SOX6: variants seen among roughly 807,000 people sequenced by gnomAD.
SOX6 encodes the protein SRY-box transcription factor 6.
Under a neutral mutation model 97.8 loss-of-function variants are expected in SOX6, and 11 were observed. That is an observed-to-expected ratio of 0.11 (90% CI 0.07 to 0.19). SOX6 has a LOEUF of 0.19. Among genes scored for constraint, SOX6 ranks in the 10% least tolerant of loss-of-function variants. The pLI, the probability that SOX6 is intolerant of heterozygous loss-of-function variation, is 1.00. For synonymous variants in SOX6, 360 were observed against 371.4 expected, an observed-to-expected ratio of 0.97 and a Z score of 0.35; for missense variants, 810 against 1,039.5, an observed-to-expected ratio of 0.78 and a Z score of 3.04.
At chr11:16,024,603 T>C (rs1163513387) in intron 12 of SOX6, among the ~76,000 whole-genome samples, 1 of 151,910 alleles carries the variant, frequency 6.6e-6, no homozygotes, top group Non-Finnish European at 1.5e-5. Flanking sequence ...AGATTTATAC[T>C]TGAGGCAAGA....
At chr11:16,584,766 C>T (rs756601890) in intron 4 of SOX6, among the ~76,000 whole-genome samples, 1 of 152,172 alleles carries the variant, frequency 6.6e-6, no homozygotes, top group African/African-American at 2.4e-5. Context: ...AACAGAGGGT[C>T]ACCAACTCAA....
intron 4 of SOX6, among the ~76,000 whole-genome samples, chr11:16,520,983 G>T (rs967901670): frequency 6.6e-6 from 1 of 152,188 alleles, no homozygotes; most frequent in Non-Finnish European, 1.5e-5. Context: ...CGGGAAGCTC[G>T]AACTGGGTGG....
In SOX6 at chr11:16,055,834, T is replaced by C; in HGVS notation, c.1169A>G (p.Gln390Arg). The C allele has an allele frequency of 6.2e-7, 1 of 1,613,856 alleles. No homozygotes were observed. The highest frequency in any genetic ancestry group is 1.1e-5 in the South Asian group (1 of 91,080). Residue 390 changes from glutamine to arginine, a missense_variant, in exon 10 of 16, where the codon CAG becomes CGG. Around this residue, in one of 9 missense-constraint regions of SOX6, gnomAD observed 244 missense variants for 261.0 expected, o/e 0.93. Transcript: ENST00000683767. Reference protein sequence around the residue: ...SPGAKMPSTPQPPNTAGTVSP... With the variant: ...SPGAKMPSTPRPPNTAGTVSP... ...GACCGTCCCTGCTGTGTTTGGTGGC[T>C]GTGGAGTTGATGGCATCTTTGCTCC... is the stretch of plus-strand genomic sequence containing the variant.
intron 6 of SOX6, among the ~76,000 whole-genome samples, chr11:16,148,427 G>A (rs1850371574): frequency 6.6e-6 from 1 of 152,120 alleles, no homozygotes; most frequent in South Asian, 2.1e-4. Context: ...AGGCACATGA[G>A]TGTGTTAAGA....
chr11:16,112,632 T>C (rs1455722567), intron 6 of SOX6, among the ~76,000 whole-genome samples: 1 of 152,196 alleles, frequency 6.6e-6, no homozygotes, highest in Admixed American at 6.5e-5. Context: ...TCAAATTTCA[T>C]TTGACCTCAA....
At chr11:16,673,079 A>G (rs1346929331) in intron 3 of SOX6, among the ~76,000 whole-genome samples, 1 of 152,194 alleles carries the variant, frequency 6.6e-6, no homozygotes, top group African/African-American at 2.4e-5. Context: ...CTCAAAAACA[A>G]AAACAAAAAC....
chr11:16,501,319 T>A (rs1860702673), intron 4 of SOX6, among the ~76,000 whole-genome samples: 1 of 146,226 alleles, frequency 6.8e-6, no homozygotes, highest in Middle Eastern at 3.5e-3. Flanking sequence ...TCAAGATGGA[T>A]TAAAGACTTA....
At chr11:16,686,619 C>T (rs1455736298) in intron 3 of SOX6, among the ~76,000 whole-genome samples, 1 of 152,224 alleles carries the variant, frequency 6.6e-6, no homozygotes, top group Non-Finnish European at 1.5e-5. Context: ...ATTTTGTTCA[C>T]AGCAATTTAC....
intron 3 of SOX6, among the ~76,000 whole-genome samples, chr11:16,625,063 G>C (rs1848604063): frequency 6.6e-6 from 1 of 152,028 alleles, no homozygotes; most frequent in South Asian, 2.1e-4. Context: ...TTTTCTCCAT[G>C]GCTGTGACTC....
chr11:16,370,793 A>C (rs916202724), intron 1 of SOX6, among the ~76,000 whole-genome samples: 7 of 152,064 alleles, frequency 4.6e-5, no homozygotes, highest in Admixed American at 3.9e-4. Flanking sequence ...CAACAAATCC[A>C]ATCTGTCAGA....
At chr11:16,371,062 T>C (rs777809762) in intron 1 of SOX6, among the ~76,000 whole-genome samples, 72 of 152,074 alleles carry the variant, frequency 4.7e-4, no homozygotes, top group Non-Finnish European at 9.1e-4. Flanking sequence ...TCCCACAGAG[T>C]AAAAGCCAAA....
intron 4 of SOX6, among the ~76,000 whole-genome samples, chr11:16,483,278 C>T (rs1447807600): frequency 6.6e-6 from 1 of 151,944 alleles, no homozygotes; most frequent in Admixed American, 6.6e-5. Flanking sequence ...TCCTCCTTCC[C>T]AAAGAAAGAA....
chr11:16,459,869 G>T (rs2133104965), intron 1 of SOX6, among the ~76,000 whole-genome samples: 1 of 152,030 alleles, frequency 6.6e-6, no homozygotes, highest in East Asian at 1.9e-4. Flanking sequence ...TAATATACAT[G>T]TATAATATGG....
Position 15,983,705 on chromosome 11 carries a change from G to A in SOX6, c.2183+2499C>T, listed in dbSNP as rs76504234. On this transcript the variant is annotated intron_variant, in intron 15 of 15. Coordinates refer to ENST00000683767, the MANE Select transcript of SOX6 (RefSeq NM_001367873.1). Reference sequence around the variant, plus strand: ...CTACATAGCAAGTATTATCAAAGCTGGGCAGAGGAAAATGCTCAGCATTGA... The same window carrying A: ...CTACATAGCAAGTATTATCAAAGCTAGGCAGAGGAAAATGCTCAGCATTGA... Among the ~76,000 whole-genome samples, 405 of 152,118 alleles carry A rather than the reference G, an allele frequency of 2.7e-3. 9 individuals carry two copies. The South Asian group carries it at 0.051, about 19-fold the overall frequency.
intron 4 of SOX6, among the ~76,000 whole-genome samples, chr11:16,500,979 C>T (rs1045059690): frequency 6.6e-6 from 1 of 151,984 alleles, no homozygotes; most frequent in Non-Finnish European, 1.5e-5. Context: ...CATATGGAAC[C>T]AAAAAAGAGC....
intron 3 of SOX6, among the ~76,000 whole-genome samples, chr11:16,235,530 G>T (rs1852989826): frequency 6.6e-6 from 1 of 151,948 alleles, no homozygotes; most frequent in Non-Finnish European, 1.5e-5. Context: ...TTAACAAATA[G>T]GTCATGTTTC....
chr11:16,539,685 AT>A (rs1248377325), intron 4 of SOX6, among the ~76,000 whole-genome samples: 3 of 152,240 alleles, frequency 2.0e-5, no homozygotes, highest in East Asian at 3.8e-4. Flanking sequence ...AGAGAATACT[AT>A]AAACACCTCT....
intron 4 of SOX6, among the ~76,000 whole-genome samples, chr11:16,512,567 G>C (rs564999908): frequency 6.8e-6 from 1 of 146,196 alleles, no homozygotes; most frequent in Admixed American, 6.7e-5. Flanking sequence ...AGTGCTTTTG[G>C]CTTCAATATA....
At chr11:16,274,427 A>G (rs907656611) in intron 3 of SOX6, among the ~76,000 whole-genome samples, 4 of 152,128 alleles carry the variant, frequency 2.6e-5, no homozygotes, top group Non-Finnish European at 4.4e-5. Context: ...ATATCTATCT[A>G]ATATTAATGA....
Sources: gnomAD v4.1 joint callset for allele counts (sites outside exome capture counted in the v4.1 genomes callset) on GRCh38, gnomAD v4.1.1 for gene constraint, gnomAD v4.1.1 regional missense constraint, MANE v1.5 for transcripts, NCBI Gene and HGNC (gene_info 2026-07-23, HGNC 2026-07-21) for gene names.